Variants in FAM227B observed in about 807,000 individuals in gnomAD.
FAM227B encodes the protein family with sequence similarity 227 member B, also known as protein FAM227B.
In FAM227B, 88 loss-of-function variants were observed where a neutral mutation model predicts 73.8. The observed-to-expected ratio is 1.19, with a 90% CI of 1.00 to 1.42. FAM227B has a LOEUF of 1.42. FAM227B is among the 40% of genes most tolerant of loss of function. The probability of loss-of-function intolerance (pLI) is 0.00; values close to 1 mark genes in which losing one functional copy is unlikely to be tolerated. For synonymous variants in FAM227B, 210 were observed against 190.5 expected, an observed-to-expected ratio of 1.10 and a Z score of -0.84; for missense variants, 632 against 590.9, an observed-to-expected ratio of 1.07 and a Z score of -0.72.
chr15:49,460,328 A>G (rs1280482121), intron 11 of FAM227B, among the ~76,000 whole-genome samples: 2 of 152,224 alleles, frequency 1.3e-5, no homozygotes, highest in African/African-American at 2.4e-5. Context: ...AGACAAACAT[A>G]TAGCCATGCT....
At chr15:49,517,108 G>A (rs894297982) in intron 10 of FAM227B, among the ~76,000 whole-genome samples, 2 of 152,112 alleles carry the variant, frequency 1.3e-5, no homozygotes, top group Admixed American at 6.6e-5. Flanking sequence ...ATACATTTGT[G>A]TTGTTATAAA....
chr15:49,539,447 T>C (rs1028904807), intron 10 of FAM227B, among the ~76,000 whole-genome samples: 8 of 152,202 alleles, frequency 5.3e-5, no homozygotes, highest in African/African-American at 1.7e-4. Context: ...AAAATGGCCA[T>C]GGTGCCAGGA....
chr15:49,329,106 C>A, intron 15 of FAM227B: 1 of 994,080 alleles, frequency 1.0e-6, no homozygotes, highest in Non-Finnish European at 1.2e-6. Flanking sequence ...CCCTTTTTTG[C>A]TTGTCTAGCA....
chr15:49,499,341 T>C (rs989600410), intron 11 of FAM227B, among the ~76,000 whole-genome samples: 2 of 152,094 alleles, frequency 1.3e-5, no homozygotes, highest in Non-Finnish European at 2.9e-5. Flanking sequence ...ATGCCATGTA[T>C]AATTGGAAAA....
intron 13 of FAM227B, among the ~76,000 whole-genome samples, chr15:49,354,420 A>G (rs888066038): frequency 2.6e-5 from 4 of 152,222 alleles, no homozygotes; most frequent in African/African-American, 9.6e-5. Context: ...AGGGCGAGGC[A>G]TTGCCTCACT....
chr15:49,613,909 T>C (rs968936434), intron 2 of FAM227B, among the ~76,000 whole-genome samples: 1 of 152,112 alleles, frequency 6.6e-6, no homozygotes, highest in East Asian at 1.9e-4. Flanking sequence ...ATATGAGAGA[T>C]GGTGCATGCA....
intron 10 of FAM227B, among the ~76,000 whole-genome samples, chr15:49,533,287 C>G (rs534082564): frequency 1.1e-3 from 169 of 151,992 alleles, no homozygotes; most frequent in Middle Eastern, 6.8e-3. Flanking sequence ...TGTTTTGTGG[C>G]CCAACATATG....
chr15:49,425,182 A>G (rs2050014776), intron 11 of FAM227B: 1 of 152,052 alleles, frequency 6.6e-6, no homozygotes, highest in South Asian at 2.1e-4. Context: ...GCAGAAAAAC[A>G]GATCTCTCCT....
At chr15:49,525,230 G>A (rs1178740350) in intron 10 of FAM227B, among the ~76,000 whole-genome samples, 2 of 152,048 alleles carry the variant, frequency 1.3e-5, no homozygotes, top group Non-Finnish European at 2.9e-5. Context: ...CATGGGGGCA[G>A]GTTTTTCCCT....
chr15:49,513,013 A>G (rs1331834721), intron 10 of FAM227B, among the ~76,000 whole-genome samples: 2 of 152,168 alleles, frequency 1.3e-5, no homozygotes, highest in Non-Finnish European at 2.9e-5. Context: ...ATTGATGGAC[A>G]TTTGGGTTGG....
At chr15:49,331,699 C>T (rs1450838426) in intron 15 of FAM227B, 81 bp downstream of exon 15, 3 of 869,854 alleles carry the variant, frequency 3.4e-6, no homozygotes, top group African/African-American at 1.7e-5. Context: ...TGCCACCATA[C>T]ATTGCTTATG....
chr15:49,533,329 G>A (rs1332686029), intron 10 of FAM227B, among the ~76,000 whole-genome samples: 5 of 151,992 alleles, frequency 3.3e-5, no homozygotes, highest in Admixed American at 2.6e-4. Context: ...GTGTGCATGT[G>A]AGAAAAATGT....
intron 13 of FAM227B, among the ~76,000 whole-genome samples, chr15:49,350,907 A>G (rs2042148265): frequency 6.6e-6 from 1 of 152,206 alleles, no homozygotes; most frequent in Admixed American, 6.5e-5. Context: ...AATCCACTGC[A>G]TGGAACAGCT....
intron 11 of FAM227B, chr15:49,488,571 A>G (rs1308712165): frequency 1.3e-5 from 2 of 151,944 alleles, no homozygotes; most frequent in Non-Finnish European, 2.9e-5. Context: ...CTTCCTGGTT[A>G]TCATGTGGTT....
intron 13 of FAM227B, among the ~76,000 whole-genome samples, chr15:49,366,843 G>T (rs972746206): frequency 6.6e-6 from 1 of 152,154 alleles, no homozygotes; most frequent in African/African-American, 2.4e-5. Context: ...CTCTAATTTA[G>T]TGGCTAGTGT....
At chr15:49,342,485 C>T (rs1326512882) in intron 13 of FAM227B, among the ~76,000 whole-genome samples, 2 of 152,162 alleles carry the variant, frequency 1.3e-5, no homozygotes, top group Non-Finnish European at 2.9e-5. Context: ...TTTTATCCAA[C>T]TTGCAACTCT....
At chr15:49,440,756 CAG>C (rs1200735254) in intron 11 of FAM227B, among the ~76,000 whole-genome samples, 1 of 151,664 alleles carries the variant, frequency 6.6e-6, no homozygotes, top group African/African-American at 2.4e-5. Flanking sequence ...TAGTAAACAA[CAG>C]AGTCAGGACC....
intron 3 of FAM227B, among the ~76,000 whole-genome samples, chr15:49,601,807 A>C (rs1364773683): frequency 6.6e-6 from 1 of 152,074 alleles, no homozygotes; most frequent in Non-Finnish European, 1.5e-5. Context: ...TCCTTTTCCC[A>C]GTTTCTGGTA....
intron 11 of FAM227B, chr15:49,424,236 A>C: frequency 1.4e-6 from 2 of 1,450,340 alleles, no homozygotes; most frequent in Non-Finnish European, 1.9e-6. Context: ...CCTAGGAGTA[A>C]CAATCAACTC....
Sources: allele counts gnomAD v4.1 joint callset (sites outside exome capture counted in the v4.1 genomes callset), GRCh38; gene constraint gnomAD v4.1.1; transcripts MANE v1.5; gene names NCBI Gene and HGNC (gene_info 2026-07-23, HGNC 2026-07-21).